Variants in PSIP1 observed in about 807,000 individuals in gnomAD.
PSIP1 encodes the protein PC4 and SFRS1-interacting protein.
PSIP1 carries 19 observed loss-of-function variants against 74.7 expected under a neutral mutation model. The observed-to-expected ratio is 0.25, with a 90% CI of 0.18 to 0.37. The LOEUF (loss-of-function observed/expected upper bound fraction) is 0.37. Ranked by LOEUF, PSIP1 falls within the 10% of genes least tolerant of loss-of-function variation. PSIP1 has a pLI of 1.00. For synonymous variants in PSIP1, 222 were observed against 195.3 expected (o/e 1.14, Z -1.14); for missense variants, 601 against 614.3 (o/e 0.98, Z 0.23).
chr9:15,468,620 T>C lies in PSIP1; in HGVS notation c.1420+10A>G. The C allele has an allele frequency of 2.5e-6, 4 of 1,612,882 alleles. No homozygotes were observed. The highest frequency in any genetic ancestry group is 2.5e-6 in the Non-Finnish European group (3 of 1,179,050). ...AACTGGTGTGAAATTGTTGGCTTTT[T>C]ACCACATACCTGTTTGTTCCTTCTC... On this transcript the variant is annotated intron_variant, in intron 14 of 15. Transcript: ENST00000380733.
intron 6 of PSIP1, among the ~76,000 whole-genome samples, chr9:15,481,333 G>A (rs1587485859): frequency 6.6e-6 from 1 of 152,154 alleles, no homozygotes; most frequent in Admixed American, 6.5e-5. Context: ...TCAATTCTTT[G>A]GTGCAAAGAA....
intron 6 of PSIP1, 178 bp downstream of exon 6, chr9:15,485,828 G>A (rs775370976): frequency 3.5e-5 from 18 of 521,520 alleles, no homozygotes; most frequent in South Asian, 1.2e-4. Flanking sequence ...CTTTAAGGGT[G>A]CTATATCACT....
intron 2 of PSIP1, among the ~76,000 whole-genome samples, chr9:15,508,755 C>T (rs369468890): frequency 4.1e-4 from 63 of 152,252 alleles, no homozygotes; most frequent in South Asian, 3.1e-3. Flanking sequence ...ATATATACTA[C>T]GGACTATGGA....
intron 2 of PSIP1, among the ~76,000 whole-genome samples, chr9:15,507,492 A>G (rs547776851): frequency 1.3e-5 from 2 of 152,292 alleles, no homozygotes; most frequent in African/African-American, 2.4e-5. Flanking sequence ...TACTAAAAAT[A>G]CAAAAATTAG....
chr9:15,509,718 G>A (rs1015484101), intron 2 of PSIP1, among the ~76,000 whole-genome samples: 2 of 152,122 alleles, frequency 1.3e-5, no homozygotes, highest in African/African-American at 4.8e-5. Flanking sequence ...ACATCCAAGT[G>A]TTTGTGTGTA....
At chr9:15,477,084 C>G (rs544119047) in intron 8 of PSIP1, among the ~76,000 whole-genome samples, 2 of 152,144 alleles carry the variant, frequency 1.3e-5, no homozygotes, top group Non-Finnish European at 2.9e-5. Flanking sequence ...ACAGAGGGAT[C>G]TCACAGTATT....
At chr9:15,505,487 C>G (rs758286300) in intron 3 of PSIP1, 1 of 152,116 alleles carries the variant, frequency 6.6e-6, no homozygotes, top group Non-Finnish European at 1.5e-5. Context: ...GAAGGCCAAA[C>G]CAATTCTGGA....
Position 15,499,064 on chromosome 9 carries a change from G to T in PSIP1, c.149+7497C>A, listed in dbSNP as rs1188225637. Among the ~76,000 whole-genome samples the T allele has an allele frequency of 2.6e-5, 4 of 152,102 alleles. No individual in the cohort carries two copies. The East Asian group carries it at 7.7e-4, about 29-fold the overall frequency. On this transcript the variant is annotated intron_variant, in intron 3 of 15. Coordinates refer to ENST00000380733, the MANE Select transcript of PSIP1 (RefSeq NM_033222.5). ...TTCCAGAGCTGAAAGGAAACTGAGG[G>T]ATCACCAAAAACCTCATTTTAAAGA... is the stretch of plus-strand genomic sequence containing the variant.
intron 3 of PSIP1, among the ~76,000 whole-genome samples, chr9:15,504,423 A>G (rs2037488061): frequency 6.6e-6 from 1 of 152,206 alleles, no homozygotes; most frequent in Non-Finnish European, 1.5e-5. Context: ...ATAGTAACGT[A>G]AGAATGGACT....
At chr9:15,508,515 G>A (rs1222644944) in intron 2 of PSIP1, among the ~76,000 whole-genome samples, 3 of 152,206 alleles carry the variant, frequency 2.0e-5, no homozygotes, top group Non-Finnish European at 4.4e-5. Context: ...CTTAACATAT[G>A]AGCGTGGGGA....
rs184051134 is a variant in PSIP1, at chr9:15,489,878, C to A, written c.288+108G>T. On this transcript the variant is annotated intron_variant, in intron 4 of 15. Coordinates refer to ENST00000380733, the MANE Select transcript of PSIP1 (RefSeq NM_033222.5). The stretch of plus-strand genomic sequence containing the variant: ...ACCTCACAAATAAGAACACAACAAA[C>A]TAGTATGAAATTCCCAAGGCTTTTA... 4.1e-4 allele frequency: 380 copies of A among 921,994 alleles called. 3 individuals carry two copies. In the East Asian group the frequency reaches 6.9e-3, roughly 17 times the overall value. The allele number at this position is 921,994 out of a possible 1,614,324, so 57.1% of individuals were successfully genotyped here.
At chr9:15,495,593 C>G (rs1355491594) in intron 3 of PSIP1, among the ~76,000 whole-genome samples, 1 of 152,144 alleles carries the variant, frequency 6.6e-6, no homozygotes, top group Non-Finnish European at 1.5e-5. Flanking sequence ...ATAGTTTGAA[C>G]AGTGCTTGCC....
At chr9:15,484,710 G>C (rs1331668653) in intron 6 of PSIP1, among the ~76,000 whole-genome samples, 1 of 151,710 alleles carries the variant, frequency 6.6e-6, no homozygotes, top group East Asian at 1.9e-4. Context: ...TGGGGCAACA[G>C]TGTGAGAATC....
chr9:15,501,721 T>C (rs535234311), intron 3 of PSIP1, among the ~76,000 whole-genome samples: 1 of 151,902 alleles, frequency 6.6e-6, no homozygotes, highest in South Asian at 2.1e-4. Flanking sequence ...CTGACTGAGA[T>C]ATAAAGATCT....
chr9:15,465,449 T>G lies in PSIP1; in HGVS notation c.*71A>C. ...CCTATGCTTATAAAAATTTAAAACT[T>G]TCAGCAGTCTATTTCAAATGAAAAC... On this transcript the variant is annotated 3_prime_UTR_variant, in exon 16 of 16. Coordinates refer to ENST00000380733, the MANE Select transcript of PSIP1 (RefSeq NM_033222.5). The G allele has an allele frequency of 7.5e-7, 1 of 1,333,282 alleles. No individual in the cohort carries two copies. Among genetic ancestry groups the G allele is most frequent in the Non-Finnish European group, 1.0e-6 (1 of 956,494 alleles). The allele number at this position is 1,333,282 out of a possible 1,614,324, so 82.6% of individuals were successfully genotyped here.
chr9:15,503,477 C>T (rs903138023), intron 3 of PSIP1, among the ~76,000 whole-genome samples: 1 of 151,946 alleles, frequency 6.6e-6, no homozygotes, highest in Admixed American at 6.6e-5. Context: ...GGCCATGTAG[C>T]AAGACCCCAT....
intron 10 of PSIP1, 84 bp downstream of exon 10, chr9:15,472,548 T>C: frequency 6.6e-7 from 1 of 1,504,262 alleles, no homozygotes; most frequent in Non-Finnish European, 8.8e-7. Flanking sequence ...CTTCATAAAG[T>C]CTGGAAAATG....
In PSIP1 at chr9:15,474,167, C is replaced by G; in HGVS notation, c.700G>C (p.Asp234His). Residue 234 changes from aspartate to histidine, a missense_variant, in exon 9 of 16, where the codon GAT becomes CAT. Asp to His is a moderately conservative substitution (Grantham distance 81, BLOSUM62 -1). Coordinates refer to ENST00000380733, the MANE Select transcript of PSIP1 (RefSeq NM_033222.5). ...TCTTCTTCCTTCTGGCCCTCTTCAT[C>G]CTTCTTAGGCTGCTTTTTAGGTTGT... ...EKQPKKQPKK[D>H]EEGQKEEDKP... 6.2e-7 allele frequency: 1 copy of G among 1,613,362 alleles called. No individual in the cohort carries two copies. The highest frequency in any genetic ancestry group is 8.5e-7 in the Non-Finnish European group (1 of 1,179,824).
intron 10 of PSIP1, chr9:15,471,857 C>T: frequency 1.0e-6 from 1 of 975,790 alleles, no homozygotes; most frequent in Non-Finnish European, 1.2e-6. Flanking sequence ...AATCACCTCA[C>T]TAAAACAACA....
Sources: allele counts gnomAD v4.1 joint callset (sites outside exome capture counted in the v4.1 genomes callset), GRCh38; gene constraint gnomAD v4.1.1; transcripts MANE v1.5; gene names NCBI Gene and HGNC (gene_info 2026-07-23, HGNC 2026-07-21).